UNC13B: variants seen among roughly 807,000 people sequenced by gnomAD.
UNC13B encodes unc-13 homolog B.
Under a neutral mutation model 211.0 loss-of-function variants are expected in UNC13B, and 144 were observed. That is an observed-to-expected ratio of 0.68 (90% CI 0.60 to 0.78). The LOEUF is 0.78. Among genes scored for constraint, UNC13B ranks in the 30% least tolerant of loss-of-function variants. The pLI, the probability that UNC13B is intolerant of heterozygous loss-of-function variation, is 0.00. For synonymous variants in UNC13B, 709 were observed against 725.8 expected, an observed-to-expected ratio of 0.98 and a Z score of 0.37; for missense variants, 1,777 against 2,002.0, an observed-to-expected ratio of 0.89 and a Z score of 2.14.
intron 11 of UNC13B, chr9:35,352,936 C>T (rs1832810422): frequency 1.6e-6 from 2 of 1,232,130 alleles, no homozygotes; most frequent in Non-Finnish European, 2.0e-6. Flanking sequence ...AAAGTGAGGC[C>T]AGCAGCTGCC....
At position 35,237,723 on chromosome 9, in the gene UNC13B, C is replaced by T. The variant is rs558642589; in HGVS notation, c.291C>T (p.Ser97=). The change falls in exon 5 of 40, where the codon TCC becomes TCT. Residue 97 remains serine, a synonymous_variant. Coordinates refer to ENST00000635942, the MANE Select transcript of UNC13B (RefSeq NM_001371189.2). ...CCTAGGAAGGGCCTGGGGAATGGTCCACATTAGAGGCAGAGACGTTAATGA... is the reference window on the plus strand; with the variant it reads ...CCTAGGAAGGGCCTGGGGAATGGTCTACATTAGAGGCAGAGACGTTAATGA... ...QSDEEGPGEW[S]TLEAETLMKD... is the part of the protein sequence containing the mutation. 8 of 1,613,538 alleles carry T rather than the reference C, an allele frequency of 5.0e-6. No individual in the cohort carries two copies. The African/African-American group carries it at 1.1e-4, about 22-fold the overall frequency.
Position 35,307,377 on chromosome 9 carries a change from A to C in UNC13B, c.7973A>C (p.Asp2658Ala), listed in dbSNP as rs540646812. 1 of 398,850 alleles carries C rather than the reference A, an allele frequency of 2.5e-6. No individual in the cohort carries two copies. Among genetic ancestry groups the C allele is most frequent in the Admixed American group, 4.4e-5 (1 of 22,684 alleles). The allele number at this position is 398,850 out of a possible 1,614,324, so 24.7% of individuals were successfully genotyped here. ...GCGCTGCCAGCACAGTTGCATCCAGATCCTACCTGCATTGCCGAAGAGCTT... is the reference window on the plus strand; with the variant it reads ...GCGCTGCCAGCACAGTTGCATCCAGCTCCTACCTGCATTGCCGAAGAGCTT... Reference protein sequence around the residue: ...NFALPAQLHPDPTCIAEELPP... With the variant: ...NFALPAQLHPAPTCIAEELPP... Residue 2658 changes from aspartate to alanine, a missense_variant, in exon 9 of 40, where the codon GAT becomes GCT. By Grantham distance (126) the Asp-to-Ala change is moderately radical. Coordinates refer to ENST00000635942, the MANE Select transcript of UNC13B (RefSeq NM_001371189.2).
Position 35,307,936 on chromosome 9 carries a change from A to G in UNC13B, c.8532A>G (p.Pro2844=), listed in dbSNP as rs973648313. ...TTGGAAAGGTAGATCTTTCATTTCC[A>G]TGGCCAAAAGAGAACAAAGGGGTCC... ...LGFGKVDLSF[P]WPKENKGVPE... Residue 2844 remains proline, a synonymous_variant, in exon 9 of 40, where the codon CCA becomes CCG. Transcript: ENST00000635942. 7 of 398,876 alleles carry G rather than the reference A, an allele frequency of 1.8e-5. No homozygotes were observed. Among genetic ancestry groups the G allele is most frequent in the African/African-American group, 4.1e-5 (2 of 48,636 alleles). 24.7% of individuals were successfully genotyped at this position (398,876 alleles called of 1,614,324 possible). A position where few individuals can be genotyped will look rare whatever the true frequency, so the allele number is the denominator to read the frequency against.
chr9:35,318,837 T>G (rs2131898832), intron 11 of UNC13B, among the ~76,000 whole-genome samples: 1 of 152,354 alleles, frequency 6.6e-6, no homozygotes, highest in Middle Eastern at 3.4e-3. Flanking sequence ...CATTTGTCTA[T>G]GGCTTAAAAT....
At chr9:35,183,198 G>A (rs1159147198) in intron 1 of UNC13B, among the ~76,000 whole-genome samples, 4 of 140,886 alleles carry the variant, frequency 2.8e-5, no homozygotes. Flanking sequence ...TCACCTCCCA[G>A]ACGATGGGCG....
intron 1 of UNC13B, among the ~76,000 whole-genome samples, chr9:35,225,270 C>T (rs1419795499): frequency 1.3e-5 from 2 of 152,138 alleles, no homozygotes; most frequent in Non-Finnish European, 2.9e-5. Context: ...AAGCGAGTCT[C>T]CCACCCCAGC....
rs7047922 is a variant in UNC13B, at chr9:35,260,920, C to T, written c.526+1870C>T. 8.7e-3 allele frequency among the ~76,000 whole-genome samples: 1,316 copies of T among 152,090 alleles called. 13 individuals carry two copies. The highest frequency in any genetic ancestry group is 0.03 in the African/African-American group (1,224 of 41,484). On this transcript the variant is annotated intron_variant, in intron 7 of 39. Transcript: ENST00000635942. Reference sequence around the variant, plus strand: ...TCTCATTGATGAAATATAATTGAAGCGATTAAAGCGCAAATGCCAAGAGGG... The same window carrying T: ...TCTCATTGATGAAATATAATTGAAGTGATTAAAGCGCAAATGCCAAGAGGG...
intron 22 of UNC13B, chr9:35,384,810 G>A: frequency 3.4e-6 from 3 of 874,128 alleles, no homozygotes; most frequent in Non-Finnish European, 4.1e-6. Context: ...ATAGTAGGAG[G>A]ATGGTTACTG....
At chr9:35,376,316 A>G in intron 15 of UNC13B, 69 bp downstream of exon 15, 1 of 1,506,288 alleles carries the variant, frequency 6.6e-7, no homozygotes, top group South Asian at 1.1e-5. Flanking sequence ...TCTGCAGCAA[A>G]GAGCTGGGAT....
intron 7 of UNC13B, among the ~76,000 whole-genome samples, chr9:35,289,332 T>C (rs1170454043): frequency 6.6e-6 from 1 of 152,196 alleles, no homozygotes; most frequent in Non-Finnish European, 1.5e-5. Context: ...AACCAGTTTG[T>C]GGGCCTTGTG....
At chr9:35,187,732 G>A (rs892949287) in intron 1 of UNC13B, among the ~76,000 whole-genome samples, 2 of 152,186 alleles carry the variant, frequency 1.3e-5, no homozygotes, top group Non-Finnish European at 2.9e-5. Context: ...AAATACCTGT[G>A]AGTTGGGTGA....
rs547616195 is a variant in UNC13B, at chr9:35,267,721, G to A, written c.526+8671G>A. Among the ~76,000 whole-genome samples the A allele has an allele frequency of 8.5e-4, 129 of 152,272 alleles. 3 individuals are homozygous for A. In the South Asian group the frequency reaches 0.027, roughly 31 times the overall value. Reference sequence around the variant, plus strand: ...TGAGTGCTGGCTTTCTCAATGGGGTGCAGGTGTGAGTCTCCAAAGGTTACT... The same window carrying A: ...TGAGTGCTGGCTTTCTCAATGGGGTACAGGTGTGAGTCTCCAAAGGTTACT... On this transcript the variant is annotated intron_variant, in intron 7 of 39. Coordinates refer to ENST00000635942, the MANE Select transcript of UNC13B (RefSeq NM_001371189.2).
chr9:35,365,626 C>T (rs1363202684), intron 11 of UNC13B, among the ~76,000 whole-genome samples: 1 of 152,182 alleles, frequency 6.6e-6, no homozygotes, highest in Non-Finnish European at 1.5e-5. Flanking sequence ...CCTTAGAAGA[C>T]TTGCAGCTTT....
At chr9:35,274,191 C>T (rs558127479) in intron 7 of UNC13B, among the ~76,000 whole-genome samples, 32 of 152,292 alleles carry the variant, frequency 2.1e-4, no homozygotes, top group African/African-American at 7.5e-4. Flanking sequence ...AGATATATCT[C>T]TTAGAGAGCT....
At chr9:35,260,907 A>C (rs1433783208) in intron 7 of UNC13B, among the ~76,000 whole-genome samples, 7 of 152,204 alleles carry the variant, frequency 4.6e-5, no homozygotes, top group Admixed American at 3.9e-4. Context: ...TCATTGATGA[A>C]ATATAATTGA....
chr9:35,182,371 A>AC (rs1012254253), intron 1 of UNC13B, among the ~76,000 whole-genome samples: 64 of 150,226 alleles, frequency 4.3e-4, no homozygotes, highest in African/African-American at 1.3e-3. Context: ...TGCTTCTGTG[A>AC]CCCCCCCTTT....
chr9:35,243,493 A>G (rs79630819), intron 6 of UNC13B, 129 bp downstream of exon 6: 22,344 of 915,780 alleles, frequency 0.024, 353 homozygotes, highest in Non-Finnish European at 0.029. Context: ...CATTGAAGAA[A>G]AAAGGCAGCT....
At chr9:35,385,942 A>G in intron 23 of UNC13B, 129 bp downstream of exon 23, 1 of 1,404,314 alleles carries the variant, frequency 7.1e-7, no homozygotes, top group South Asian at 1.4e-5. Flanking sequence ...ATTTCTGTGT[A>G]CCTGTTCCCT....
intron 7 of UNC13B, among the ~76,000 whole-genome samples, chr9:35,284,190 C>T (rs576988345): frequency 1.4e-3 from 209 of 152,118 alleles, no homozygotes; most frequent in African/African-American, 4.7e-3. Flanking sequence ...TGCCTGAACC[C>T]GGGAGGCAGA....
Sources: allele counts gnomAD v4.1 joint callset (sites outside exome capture counted in the v4.1 genomes callset), GRCh38; gene constraint gnomAD v4.1.1; transcripts MANE v1.5; gene names NCBI Gene and HGNC (gene_info 2026-07-23, HGNC 2026-07-21).